Variants in C1QTNF3 observed in about 807,000 individuals in gnomAD.
The protein encoded by C1QTNF3 is complement C1q tumor necrosis factor-related protein 3.
C1QTNF3 carries 26 observed loss-of-function variants against 32.6 expected under a neutral mutation model. The ratio of observed to expected loss-of-function variants is 0.80; its 90% CI spans 0.58 to 1.11. C1QTNF3 has a LOEUF of 1.11. C1QTNF3 is among the 50% of genes least tolerant of loss of function. C1QTNF3 has a pLI of 0.00. For missense variants in C1QTNF3, 362 were observed against 398.2 expected, an observed-to-expected ratio of 0.91 and a Z score of 0.77; for synonymous variants, 155 against 146.0, an observed-to-expected ratio of 1.06 and a Z score of -0.44.
chr5:34,102,855 A>T, the C1QTNF3 span, among the ~76,000 whole-genome samples: 1 of 152,260 alleles, frequency 6.6e-6, no homozygotes, highest in Non-Finnish European at 1.5e-5. Flanking sequence ...TGGGGGAGGG[A>T]TAGCATTAGG....
chr5:34,028,497 T>C (rs544334592), intron 4 of C1QTNF3, among the ~76,000 whole-genome samples: 5 of 152,320 alleles, frequency 3.3e-5, no homozygotes, highest in Admixed American at 3.3e-4. Context: ...TATGGCCATA[T>C]TTTAAAAACT....
intron 5 of C1QTNF3, among the ~76,000 whole-genome samples, chr5:34,022,293 C>T (rs1286208734): frequency 6.6e-6 from 1 of 152,198 alleles, no homozygotes; most frequent in Non-Finnish European, 1.5e-5. Flanking sequence ...GAGGCTTGGG[C>T]TGTTTGACTC....
intron 5 of C1QTNF3, among the ~76,000 whole-genome samples, chr5:34,021,047 T>TC (rs1754315696): frequency 3.9e-5 from 6 of 152,312 alleles, no homozygotes; most frequent in African/African-American, 1.4e-4. Context: ...GCTCTCTCTC[T>TC]TCTCTGCTCC....
the C1QTNF3 span, among the ~76,000 whole-genome samples, chr5:34,225,922 C>CAA: frequency 7.3e-5 from 11 of 151,040 alleles, no homozygotes; most frequent in East Asian, 2.0e-3. Context: ...TATTTGAATG[C>CAA]AAAAAAATAA....
At chr5:34,172,120 T>C in the C1QTNF3 span, among the ~76,000 whole-genome samples, 685 of 152,280 alleles carry the variant, frequency 4.5e-3, 3 homozygotes, top group Non-Finnish European at 7.8e-3. Flanking sequence ...CTCTTATCCA[T>C]AGAGGATACA....
At chr5:34,239,248 A>C in the C1QTNF3 span, 1 of 152,074 alleles carries the variant, frequency 6.6e-6, no homozygotes, top group South Asian at 2.1e-4. Context: ...GTCTACCTAA[A>C]AACCAGCTAC....
At chr5:34,236,390 C>CA in the C1QTNF3 span, among the ~76,000 whole-genome samples, 12 of 145,364 alleles carry the variant, frequency 8.3e-5, no homozygotes, top group African/African-American at 2.1e-4. Flanking sequence ...GACTCCATCT[C>CA]AAAAAAAAAA....
chr5:34,136,009 T>C, the C1QTNF3 span, among the ~76,000 whole-genome samples: 1 of 152,010 alleles, frequency 6.6e-6, no homozygotes, highest in East Asian at 1.9e-4. Flanking sequence ...AAGACTTAAA[T>C]GTTAGACCTA....
chr5:34,058,556 C>T, the C1QTNF3 span, among the ~76,000 whole-genome samples: 1 of 152,170 alleles, frequency 6.6e-6, no homozygotes, highest in Non-Finnish European at 1.5e-5. Context: ...TCAGCCCAGA[C>T]AAAAGCCTGA....
chr5:34,231,414 C>T, the C1QTNF3 span, among the ~76,000 whole-genome samples: 1 of 152,140 alleles, frequency 6.6e-6, no homozygotes, highest in Non-Finnish European at 1.5e-5. Flanking sequence ...ATTGAATGTA[C>T]ATTCTAGAGA....
chr5:34,100,423 G>C, the C1QTNF3 span, among the ~76,000 whole-genome samples: 1 of 150,778 alleles, frequency 6.6e-6, no homozygotes, highest in East Asian at 2.0e-4. Context: ...AAATACTTGC[G>C]GTTCAATTTT....
chr5:34,178,094 T>C, the C1QTNF3 span, among the ~76,000 whole-genome samples: 1 of 114,646 alleles, frequency 8.7e-6, no homozygotes, highest in African/African-American at 3.4e-5. Context: ...TGGTGAAACC[T>C]CATCTCTACT....
chr5:34,147,897 C>A, the C1QTNF3 span, among the ~76,000 whole-genome samples: 2 of 152,162 alleles, frequency 1.3e-5, no homozygotes, highest in East Asian at 1.9e-4. Flanking sequence ...CAGCTCCCAG[C>A]GTGAGCGACG....
At chr5:34,234,920 C>T in the C1QTNF3 span, among the ~76,000 whole-genome samples, 3 of 152,096 alleles carry the variant, frequency 2.0e-5, no homozygotes, top group Non-Finnish European at 4.4e-5. Context: ...TCACAATAGG[C>T]TTATTATACC....
At chr5:34,234,863 G>A in the C1QTNF3 span, among the ~76,000 whole-genome samples, 3 of 152,062 alleles carry the variant, frequency 2.0e-5, no homozygotes, top group African/African-American at 7.2e-5. Flanking sequence ...GCACTGATTA[G>A]TGCAATTTGG....
chr5:34,028,533 C>G (rs1219461147), intron 4 of C1QTNF3, among the ~76,000 whole-genome samples: 1 of 151,994 alleles, frequency 6.6e-6, no homozygotes, highest in Non-Finnish European at 1.5e-5. Context: ...GATTCTAATT[C>G]GTTTACTTTG....
chr5:34,207,815 TCTCA>T, the C1QTNF3 span, among the ~76,000 whole-genome samples: 2 of 150,094 alleles, frequency 1.3e-5, no homozygotes, highest in African/African-American at 4.9e-5. Flanking sequence ...TGAGACAGAG[TCTCA>T]CTCAGTCACC....
chr5:34,044,620 G>A (rs1354115116), upstream of C1QTNF3, among the ~76,000 whole-genome samples: 2 of 152,188 alleles, frequency 1.3e-5, no homozygotes, highest in African/African-American at 4.8e-5. Flanking sequence ...TACCAGAACA[G>A]CCGCTTCCAG....
intron 3 of C1QTNF3, among the ~76,000 whole-genome samples, chr5:34,032,416 C>T (rs1754635345): frequency 6.6e-6 from 1 of 152,210 alleles, no homozygotes; most frequent in Admixed American, 6.5e-5. Flanking sequence ...TGAATGTAAT[C>T]TGGTCTGGAA....
Sources: allele counts gnomAD v4.1 joint callset (sites outside exome capture counted in the v4.1 genomes callset), GRCh38; gene constraint gnomAD v4.1.1; transcripts MANE v1.5; gene names NCBI Gene and HGNC (gene_info 2026-07-23, HGNC 2026-07-21).